Variants in NHSL1 observed in about 807,000 individuals in gnomAD.
NHSL1 encodes the protein NHS like 1.
A neutral mutation model predicts 95.0 loss-of-function variants in NHSL1; 48 were observed. The observed-to-expected ratio is 0.51, with a 90% CI of 0.40 to 0.64. The LOEUF is 0.64. NHSL1 is among the 30% of genes least tolerant of loss of function. NHSL1 has a pLI of 0.00. For synonymous variants in NHSL1, 783 were observed against 833.9 expected (o/e 0.94, Z 1.05); for missense variants, 1,971 against 2,077.7 (o/e 0.95, Z 1.00).
chr6:138,446,596 A>T (rs534947201), intron 4 of NHSL1, among the ~76,000 whole-genome samples: 1 of 152,328 alleles, frequency 6.6e-6, no homozygotes, highest in South Asian at 2.1e-4. Context: ...CATTAGAAAC[A>T]TCACAAAATA....
At chr6:138,631,234 C>T (rs191026052) in intron 1 of NHSL1, among the ~76,000 whole-genome samples, 10 of 152,274 alleles carry the variant, frequency 6.6e-5, no homozygotes, top group African/African-American at 2.4e-4. Flanking sequence ...CAAGCCTCAC[C>T]ACCACGAGCT....
intron 1 of NHSL1, among the ~76,000 whole-genome samples, chr6:138,623,747 A>G (rs910039962): frequency 1.3e-5 from 2 of 152,066 alleles, no homozygotes; most frequent in Non-Finnish European, 2.9e-5. Flanking sequence ...CTGTGTCCCC[A>G]CCCAAAATCA....
intron 2 of NHSL1, among the ~76,000 whole-genome samples, chr6:138,484,764 A>G (rs1219625657): frequency 6.6e-6 from 1 of 152,226 alleles, no homozygotes; most frequent in African/African-American, 2.4e-5. Context: ...AAAACAGACA[A>G]ACAACAACAA....
intron 3 of NHSL1, among the ~76,000 whole-genome samples, chr6:138,458,576 C>T (rs1011199295): frequency 2.0e-5 from 3 of 152,102 alleles, no homozygotes; most frequent in Admixed American, 6.5e-5. Flanking sequence ...CACCTGTAAT[C>T]CCAGCACTTT....
At chr6:138,463,705 G>A (rs1017370332) in intron 3 of NHSL1, among the ~76,000 whole-genome samples, 6 of 151,490 alleles carry the variant, frequency 4.0e-5, no homozygotes, top group South Asian at 4.2e-4. Context: ...TCCCCACCCC[G>A]CTGACAGGCC....
intron 1 of NHSL1, among the ~76,000 whole-genome samples, chr6:138,583,664 G>T (rs1784092939): frequency 6.6e-6 from 1 of 152,076 alleles, no homozygotes; most frequent in African/African-American, 2.4e-5. Flanking sequence ...AACTGCACTG[G>T]TCCATCATAT....
chr6:138,637,921 G>T (rs1397986513), intron 1 of NHSL1, among the ~76,000 whole-genome samples: 5 of 152,170 alleles, frequency 3.3e-5, no homozygotes, highest in Admixed American at 2.6e-4. Flanking sequence ...AGAGATATCT[G>T]CCATATTTGT....
chr6:138,664,918 C>G (rs1297450817), intron 1 of NHSL1, among the ~76,000 whole-genome samples: 1 of 152,146 alleles, frequency 6.6e-6, no homozygotes, highest in Admixed American at 6.5e-5. Flanking sequence ...TATCTTAAGA[C>G]ATTCAACTGA....
intron 3 of NHSL1, among the ~76,000 whole-genome samples, chr6:138,452,071 A>T (rs1408347840): frequency 6.6e-6 from 1 of 152,238 alleles, no homozygotes; most frequent in East Asian, 1.9e-4. Context: ...CCTTGCTCTC[A>T]GAACTTAAAT....
chr6:138,424,900 C>A lies in NHSL1; in HGVS notation c.4086-84G>T. The A allele has an allele frequency of 2.7e-6, 3 of 1,091,050 alleles. No homozygotes were observed. The highest frequency in any genetic ancestry group is 2.6e-6 in the Non-Finnish European group (2 of 772,658). 67.6% of individuals were successfully genotyped at this position (1,091,050 alleles called of 1,614,324 possible). On this transcript the variant is annotated intron_variant, in intron 7 of 7. Coordinates refer to ENST00000343505, the MANE Select transcript of NHSL1 (RefSeq NM_001144060.2). This position sits in a 1 kb window ranked among gnomAD's most constrained non-coding sequence, Gnocchi z 5.9. ...CACAACCACTCTGCTCTTATCGCAT[C>A]TTCAGGTCACCATCTACTTAAGATT...
chr6:138,495,864 A>C (rs901667876), intron 2 of NHSL1, among the ~76,000 whole-genome samples: 1 of 152,204 alleles, frequency 6.6e-6, no homozygotes, highest in Non-Finnish European at 1.5e-5. Context: ...CAGACAAGAG[A>C]GAATTGACAG....
At chr6:138,487,827 G>A (rs746131651) in intron 2 of NHSL1, among the ~76,000 whole-genome samples, 26 of 152,110 alleles carry the variant, frequency 1.7e-4, no homozygotes, top group Non-Finnish European at 3.2e-4. Flanking sequence ...GCGGTTTTGC[G>A]AAATATGAGA....
At chr6:138,566,376 C>T (rs1437330019) in intron 1 of NHSL1, among the ~76,000 whole-genome samples, 10 of 151,060 alleles carry the variant, frequency 6.6e-5, no homozygotes, top group Non-Finnish European at 1.3e-4. Flanking sequence ...CCAGCCTGGG[C>T]GACAGAGCAA....
intron 7 of NHSL1, among the ~76,000 whole-genome samples, chr6:138,428,269 C>T (rs1218074618): frequency 6.6e-6 from 1 of 152,028 alleles, no homozygotes; most frequent in Admixed American, 6.5e-5. Context: ...ATGAAATACT[C>T]TGAGTCTTGG....
At chr6:138,563,765 A>G (rs1783500523) in intron 1 of NHSL1, among the ~76,000 whole-genome samples, 1 of 152,150 alleles carries the variant, frequency 6.6e-6, no homozygotes, top group African/African-American at 2.4e-5. Flanking sequence ...GGCTTAAGAG[A>G]GCATTGTTAA....
At chr6:138,553,490 T>C (rs1013687696) in intron 1 of NHSL1, among the ~76,000 whole-genome samples, 1 of 152,216 alleles carries the variant, frequency 6.6e-6, no homozygotes, top group African/African-American at 2.4e-5. Flanking sequence ...CATTCACACT[T>C]AACTTCTGGT....
Position 138,432,973 on chromosome 6 carries a change from G to A in NHSL1, c.1372C>T (p.His458Tyr). 1.3e-6 allele frequency: 2 copies of A among 1,551,202 alleles called. No homozygotes were observed. Among genetic ancestry groups the A allele is most frequent in the Middle Eastern group, 3.3e-4 (2 of 5,988 alleles). ...IKSRDHLISR[H>Y]AVKGDPQSPG... ...GACTGAGGATCACCTTTCACAGCAT[G>A]CCTGGAGATGAGGTGGTCTCTGGAT... The change falls in exon 6 of 8, where the codon CAT (histidine) becomes TAT (tyrosine). Residue 458 changes from histidine to tyrosine, a missense_variant. This residue lies in a region of NHSL1 where 1,602 missense variants were observed against 1,654.5 expected (regional missense o/e 0.97). Coordinates refer to ENST00000343505, the MANE Select transcript of NHSL1 (RefSeq NM_001144060.2). The surrounding 1 kb of genome is among the most constrained non-coding windows in gnomAD (Gnocchi z 4.4).
At chr6:138,559,473 T>C (rs540165654) in intron 1 of NHSL1, among the ~76,000 whole-genome samples, 1 of 152,334 alleles carries the variant, frequency 6.6e-6, no homozygotes, top group South Asian at 2.1e-4. Flanking sequence ...GGACTTCCTA[T>C]GGTGGATGAA....
chr6:138,526,684 G>A (rs531708299), intron 1 of NHSL1, among the ~76,000 whole-genome samples: 24 of 152,042 alleles, frequency 1.6e-4, no homozygotes, highest in African/African-American at 4.1e-4. Context: ...CTCGAGTTGC[G>A]TGCTTAATTT....
Sources: allele counts gnomAD v4.1 joint callset (sites outside exome capture counted in the v4.1 genomes callset), GRCh38; gene constraint gnomAD v4.1.1; regional missense constraint gnomAD v4.1.1; non-coding constraint Gnocchi (gnomAD v3.1); transcripts MANE v1.5; gene names NCBI Gene and HGNC (gene_info 2026-07-23, HGNC 2026-07-21).